LRP6: variants seen among roughly 807,000 people sequenced by gnomAD.
The protein encoded by LRP6 is low-density lipoprotein receptor-related protein 6.
Under a neutral mutation model 184.1 loss-of-function variants are expected in LRP6, and 43 were observed. That is an observed-to-expected ratio of 0.23 (90% CI 0.18 to 0.30). The LOEUF (loss-of-function observed/expected upper bound fraction) is 0.30, where lower values mean the gene tolerates loss of function less well. Ranked by LOEUF, LRP6 falls within the 10% of genes least tolerant of loss-of-function variation. LRP6 has a pLI of 1.00. For synonymous variants in LRP6, 719 were observed against 684.9 expected, an observed-to-expected ratio of 1.05 and a Z score of -0.78; for missense variants, 1,571 against 2,005.3, an observed-to-expected ratio of 0.78 and a Z score of 4.14.
intron 1 of LRP6, among the ~76,000 whole-genome samples, chr12:12,265,958 C>A (rs1427802697): frequency 6.6e-6 from 1 of 152,142 alleles, no homozygotes; most frequent in African/African-American, 2.4e-5. Flanking sequence ...GGCTCCTCTT[C>A]ACACGAGGAT....
rs543164102 is a variant in LRP6 at position 12,202,302 on chromosome 12, G to A, written c.647+901C>T. On this transcript the variant is annotated intron_variant, in intron 3 of 22. Coordinates refer to ENST00000261349, the MANE Select transcript of LRP6 (RefSeq NM_002336.3). ...TGATGCCTGTAATTCTAGCACTTTCGGAGGCCGAGGCCGGTGAATCACTTG... is the reference window on the plus strand; with the variant it reads ...TGATGCCTGTAATTCTAGCACTTTCAGAGGCCGAGGCCGGTGAATCACTTG... 1.1e-4 allele frequency among the ~76,000 whole-genome samples: 17 copies of A among 152,302 alleles called. No individual in the cohort carries two copies. In the South Asian group the frequency reaches 3.3e-3, roughly 30 times the overall value.
intron 15 of LRP6, among the ~76,000 whole-genome samples, chr12:12,140,567 G>C (rs1949914741): frequency 6.6e-6 from 1 of 151,686 alleles, no homozygotes; most frequent in Non-Finnish European, 1.5e-5. Context: ...AGAAGGAAGG[G>C]AAGGGGAAGG....
intron 3 of LRP6, among the ~76,000 whole-genome samples, chr12:12,188,991 T>A (rs927371321): frequency 1.3e-5 from 2 of 152,076 alleles, no homozygotes; most frequent in African/African-American, 4.8e-5. Flanking sequence ...CATTTCACCA[T>A]CTTAAAGAAC....
At chr12:12,254,193 G>A (rs981505928) in intron 1 of LRP6, among the ~76,000 whole-genome samples, 4 of 145,990 alleles carry the variant, frequency 2.7e-5, no homozygotes, top group Non-Finnish European at 4.5e-5. Context: ...AAACTACTAC[G>A]CCAGGTAACC....
chr12:12,169,944 G>C (rs762985593), intron 7 of LRP6, among the ~76,000 whole-genome samples: 2 of 151,754 alleles, frequency 1.3e-5, no homozygotes, highest in Non-Finnish European at 1.5e-5. Context: ...AATAGGTTTG[G>C]ATCTAAAACA....
Position 12,213,433 on chromosome 12 carries a change from C to T in LRP6, c.450-10033G>A, listed in dbSNP as rs190538705. Among the ~76,000 whole-genome samples, 29 of 152,032 alleles carry T rather than the reference C, an allele frequency of 1.9e-4. No homozygotes were observed. In the East Asian group the frequency reaches 5.0e-3, roughly 26 times the overall value. ...CATTTTTCTTATTAATTTGTATGCACTTTTTATATATCAAGGCTAACTCTA... is the reference window on the plus strand; with the variant it reads ...CATTTTTCTTATTAATTTGTATGCATTTTTTATATATCAAGGCTAACTCTA... On this transcript the variant is annotated intron_variant, in intron 2 of 22. Coordinates refer to ENST00000261349, the MANE Select transcript of LRP6 (RefSeq NM_002336.3).
Position 12,187,011 on chromosome 12 carries a change from C to A in LRP6, c.756G>T (p.Lys252Asn). ...WSTHSILACN[K>N]YTGEGLREIH... ...TTTCACGCAGACCCTCACCAGTATA[C>A]TTGTTGCAAGCCAAAATGGAGTGTG... The change falls in exon 4 of 23, where the codon AAG (lysine) becomes AAT (asparagine). Residue 252 changes from lysine to asparagine, a missense_variant. Lys to Asn is a moderately conservative substitution (Grantham distance 94, BLOSUM62 0). Coordinates refer to ENST00000261349, the MANE Select transcript of LRP6 (RefSeq NM_002336.3). The A allele has an allele frequency of 6.2e-7, 1 of 1,614,152 alleles. No homozygotes were observed. The highest frequency in any genetic ancestry group is 8.5e-7 in the Non-Finnish European group (1 of 1,180,014).
intron 12 of LRP6, among the ~76,000 whole-genome samples, chr12:12,152,148 G>A (rs938561986): frequency 1.3e-5 from 2 of 152,018 alleles, no homozygotes; most frequent in East Asian, 3.9e-4. Context: ...TAGTGAATAA[G>A]TCTCATGAGA....
intron 1 of LRP6, among the ~76,000 whole-genome samples, chr12:12,260,720 C>A (rs986619339): frequency 2.4e-4 from 36 of 152,296 alleles, no homozygotes; most frequent in African/African-American, 8.7e-4. Context: ...CAAGTTATAT[C>A]CCCACCTAAC....
intron 14 of LRP6, among the ~76,000 whole-genome samples, chr12:12,148,370 C>G (rs1223223492): frequency 1.3e-5 from 2 of 152,034 alleles, no homozygotes; most frequent in Admixed American, 1.3e-4. Flanking sequence ...TAGATTTCAT[C>G]CTTTTCCTCT....
intron 1 of LRP6, among the ~76,000 whole-genome samples, chr12:12,261,174 A>T (rs1310144414): frequency 6.6e-6 from 1 of 152,146 alleles, no homozygotes; most frequent in Non-Finnish European, 1.5e-5. Flanking sequence ...TAATCCCAAC[A>T]GTTTGGGAGG....
chr12:12,252,741 T>C (rs1319687539), intron 1 of LRP6, among the ~76,000 whole-genome samples: 1 of 152,210 alleles, frequency 6.6e-6, no homozygotes, highest in Non-Finnish European at 1.5e-5. Flanking sequence ...CATTTACTTA[T>C]GGAATGCTAT....
intron 1 of LRP6, among the ~76,000 whole-genome samples, chr12:12,247,041 A>T (rs1011814927): frequency 5.3e-5 from 8 of 152,190 alleles, no homozygotes; most frequent in Non-Finnish European, 1.0e-4. Flanking sequence ...GCTATCAGCA[A>T]ATTCATAAAC....
chr12:12,135,930 A>G (rs1949832563), intron 16 of LRP6, among the ~76,000 whole-genome samples: 1 of 152,112 alleles, frequency 6.6e-6, no homozygotes, highest in Non-Finnish European at 1.5e-5. Flanking sequence ...CACGCCTGTA[A>G]TCCTAGCACT....
chr12:12,232,742 T>C (rs973714280), intron 2 of LRP6, among the ~76,000 whole-genome samples: 1 of 152,062 alleles, frequency 6.6e-6, no homozygotes, highest in Non-Finnish European at 1.5e-5. Context: ...ATATCTCTAA[T>C]AAGAAAATAC....
At chr12:12,215,438 A>G (rs1325314434) in intron 2 of LRP6, among the ~76,000 whole-genome samples, 2 of 152,066 alleles carry the variant, frequency 1.3e-5, no homozygotes, top group South Asian at 2.1e-4. Context: ...ATTTTATTTC[A>G]TTTTGAGACG....
At chr12:12,208,374 A>T (rs1555117316) in intron 2 of LRP6, among the ~76,000 whole-genome samples, 1 of 152,254 alleles carries the variant, frequency 6.6e-6, no homozygotes, top group Non-Finnish European at 1.5e-5. Flanking sequence ...CAACAAAAAA[A>T]TATGAATTTT....
rs1949552120 is a variant in LRP6, at chr12:12,118,734, C to G, written c.*2392G>C. 6.6e-6 allele frequency: 1 copy of G among 152,248 alleles called. No individual in the cohort carries two copies. The highest frequency in any genetic ancestry group is 1.9e-4 in the East Asian group (1 of 5,190). The allele number at this position is 152,248 out of a possible 1,614,324, so 9.4% of individuals were successfully genotyped here. A position where few individuals can be genotyped will look rare whatever the true frequency, so the allele number is the denominator to read the frequency against. On this transcript the variant is annotated 3_prime_UTR_variant, in exon 23 of 23. Coordinates refer to ENST00000261349, the MANE Select transcript of LRP6 (RefSeq NM_002336.3). The stretch of plus-strand genomic sequence containing the variant: ...ATATTAAGAATCCATCTCATCTACC[C>G]CAGAAAGAGAACACTGAGATTAGGC...
At position 12,116,698 on chromosome 12, in the gene LRP6, TA is replaced by T. The variant is rs1949523604; in HGVS notation, c.*4427del. 1 of 152,328 alleles carries T rather than the reference TA, an allele frequency of 6.6e-6. No homozygotes were observed. The highest frequency in any genetic ancestry group is 1.9e-4 in the East Asian group (1 of 5,192). The allele number at this position is 152,328 out of a possible 1,614,324, so 9.4% of individuals were successfully genotyped here. The stretch of plus-strand genomic sequence containing the variant: ...GTTCGTTAGGTCTGTACTCTGCTTC[TA>T]AATACAAGACATCATTTAGTTTGTA... On this transcript the variant is annotated 3_prime_UTR_variant, in exon 23 of 23. Coordinates refer to ENST00000261349, the MANE Select transcript of LRP6 (RefSeq NM_002336.3).
Sources: gnomAD v4.1 joint callset for allele counts (sites outside exome capture counted in the v4.1 genomes callset) on GRCh38, gnomAD v4.1.1 for gene constraint, MANE v1.5 for transcripts, NCBI Gene and HGNC (gene_info 2026-07-23, HGNC 2026-07-21) for gene names.